CACNA1A: variants seen among roughly 807,000 people sequenced by gnomAD.
CACNA1A encodes calcium voltage-gated channel subunit alpha1 A.
A neutral mutation model predicts 262.4 loss-of-function variants in CACNA1A; 57 were observed. That is an observed-to-expected ratio of 0.22 (90% confidence interval 0.18 to 0.27). The LOEUF (loss-of-function observed/expected upper bound fraction) is 0.27, where lower values mean the gene tolerates loss of function less well. Ranked by LOEUF, CACNA1A falls within the 10% of genes least tolerant of loss-of-function variation. CACNA1A has a pLI of 1.00. For missense variants in CACNA1A, 2,526 were observed against 3,562.8 expected (o/e 0.71, Z 7.41); for synonymous variants, 1,431 against 1,419.3 (o/e 1.01, Z -0.18).
At position 13,402,901 on chromosome 19, in the gene CACNA1A, T is replaced by C. The variant is rs1296857963; in HGVS notation, c.540-31122A>G. The stretch of plus-strand genomic sequence containing the variant: ...ATATATATATATATATATATATATA[T>C]ATATATATATATATACTTGCAAGTG... On this transcript the variant is annotated intron_variant, in intron 3 of 46. Coordinates refer to ENST00000360228, the MANE Select transcript of CACNA1A (RefSeq NM_001127222.2). 1.4e-4 allele frequency among the ~76,000 whole-genome samples: 18 copies of C among 130,068 alleles called. 1 individual carries two copies. The highest frequency in any genetic ancestry group is 9.2e-4 in the East Asian group (4 of 4,368). The allele number at this position is 130,068 out of a possible 152,430, so 85.3% of individuals were successfully genotyped here. A position where few individuals can be genotyped will look rare whatever the true frequency, so the allele number is the denominator to read the frequency against.
chr19:13,385,088 T>C (rs992938511), intron 3 of CACNA1A, among the ~76,000 whole-genome samples: 6 of 152,164 alleles, frequency 3.9e-5, no homozygotes, highest in African/African-American at 1.4e-4. Flanking sequence ...AAAATTCGCT[T>C]GTACCAGTCA....
At chr19:13,210,577 G>C in intron 44 of CACNA1A, 40 bp downstream of exon 44, 1 of 1,542,342 alleles carries the variant, frequency 6.5e-7, no homozygotes, top group Non-Finnish European at 8.8e-7. Context: ...GGAAGAGGGG[G>C]CCGGAGCCCT....
intron 3 of CACNA1A, among the ~76,000 whole-genome samples, chr19:13,406,468 TATATATATATATATA>T (rs2060007468): frequency 1.4e-3 from 19 of 13,782 alleles, no homozygotes; most frequent in African/African-American, 3.4e-3. Context: ...AAAAAAATTA[TATATATATATATATA>T]TATATATATA....
intron 3 of CACNA1A, among the ~76,000 whole-genome samples, chr19:13,383,722 T>A (rs1244038085): frequency 6.6e-6 from 1 of 152,216 alleles, no homozygotes; most frequent in African/African-American, 2.4e-5. Context: ...AGGTTGAAAC[T>A]CAGATTCTGC....
At chr19:13,251,673 ATAATAC>A (rs1170954650) in intron 30 of CACNA1A, among the ~76,000 whole-genome samples, 5 of 152,368 alleles carry the variant, frequency 3.3e-5, no homozygotes, top group African/African-American at 1.2e-4. Context: ...TTAAGGGTTG[ATAATAC>A]TAATACTAAG....
rs2056075252 is a variant in CACNA1A, at chr19:13,241,338, C to T, written c.4950+3844G>A. Among the ~76,000 whole-genome samples the T allele has an allele frequency of 6.6e-6, 1 of 151,982 alleles. No homozygotes were observed. Among genetic ancestry groups the T allele is most frequent in the Non-Finnish European group, 1.5e-5 (1 of 68,012 alleles). ...GATAAAAACAGAGAGACAGAGTCTA[C>T]AGGAAGTGGGAGGCACAGGGGCTGG... On this transcript the variant is annotated intron_variant, in intron 31 of 46. Transcript: ENST00000360228. This position sits in a 1 kb window ranked among gnomAD's most constrained non-coding sequence, Gnocchi z 4.0.
intron 17 of CACNA1A, among the ~76,000 whole-genome samples, chr19:13,303,044 G>C (rs923838000): frequency 1.3e-5 from 2 of 152,140 alleles, no homozygotes; most frequent in African/African-American, 2.4e-5. Context: ...GTTTGGCTAA[G>C]GGGAGGCTCC....
chr19:13,212,340 AC>A lies in CACNA1A; in HGVS notation c.6189+43del, dbSNP rs780268314. ...GGCCCAGATCCCTTCCACCTGAACCACCCGGGCCCTGGGAGCCATTGGGGAG... is the reference window on the plus strand; with the variant it reads ...GGCCCAGATCCCTTCCACCTGAACCACCGGGCCCTGGGAGCCATTGGGGAG... On this transcript the variant is annotated intron_variant, in intron 42 of 46. Coordinates refer to ENST00000360228, the MANE Select transcript of CACNA1A (RefSeq NM_001127222.2). The surrounding 1 kb of genome is among the most constrained non-coding windows in gnomAD (Gnocchi z 5.6). The A allele has an allele frequency of 1.2e-6, 2 of 1,610,966 alleles. No individual in the cohort carries two copies. Among genetic ancestry groups the A allele is most frequent in the Admixed American group, 3.4e-5 (2 of 59,526 alleles).
chr19:13,231,923 C>A (rs1355861242), intron 34 of CACNA1A, 63 bp from the exon 35 acceptor site: 1 of 1,541,346 alleles, frequency 6.5e-7, no homozygotes, highest in Non-Finnish European at 8.8e-7. Flanking sequence ...AACGCCTCCC[C>A]AGGAGGTGGA....
intron 3 of CACNA1A, among the ~76,000 whole-genome samples, chr19:13,441,162 T>C (rs1048292220): frequency 3.3e-5 from 5 of 152,042 alleles, no homozygotes; most frequent in African/African-American, 1.2e-4. Context: ...AAATGGAAGA[T>C]TCAGGGAGGT....
At chr19:13,328,854 C>A (rs1444833556) in intron 10 of CACNA1A, among the ~76,000 whole-genome samples, 1 of 152,000 alleles carries the variant, frequency 6.6e-6, no homozygotes, top group Non-Finnish European at 1.5e-5. Flanking sequence ...GGATCAGAAA[C>A]TATGGATCAG....
intron 3 of CACNA1A, among the ~76,000 whole-genome samples, chr19:13,445,067 G>C (rs984163207): frequency 6.6e-6 from 1 of 151,540 alleles, no homozygotes; most frequent in Non-Finnish European, 1.5e-5. Flanking sequence ...TTGAACCTGG[G>C]AGGCGGAGGT....
intron 1 of CACNA1A, among the ~76,000 whole-genome samples, chr19:13,482,094 GAAGT>G (rs896470737): frequency 4.9e-4 from 74 of 152,210 alleles, no homozygotes; most frequent in Admixed American, 1.6e-3. Flanking sequence ...AACAAGGAAA[GAAGT>G]AAGGGAGAAA....
At chr19:13,275,579 A>T in intron 24 of CACNA1A, 1 of 497,034 alleles carries the variant, frequency 2.0e-6, no homozygotes, top group Non-Finnish European at 3.7e-6. Context: ...AGGAAGCTGC[A>T]CAGCAAGGGG....
In CACNA1A at chr19:13,207,483, AGCGCCCGGTG is replaced by A. The variant is rs1461908839; in HGVS notation, c.7341_7350del (p.Thr2448ArgfsTer157). 1 of 1,437,612 alleles carries A rather than the reference AGCGCCCGGTG, an allele frequency of 7.0e-7. No individual in the cohort carries two copies. Among genetic ancestry groups the A allele is most frequent in the Admixed American group, 2.9e-5 (1 of 35,056 alleles). The allele number at this position is 1,437,612 out of a possible 1,614,324, so 89.1% of individuals were successfully genotyped here. On this transcript the variant is annotated frameshift_variant, in exon 47 of 47. Coordinates refer to ENST00000360228, the MANE Select transcript of CACNA1A (RefSeq NM_001127222.2). LOFTEE classifies it high-confidence loss of function. The surrounding 1 kb of genome is among the most constrained non-coding windows in gnomAD (Gnocchi z 5.7). ...CCCGAGGCCCGGGGAGTCCTGGGCGAGCGCCCGGTGGCGCCCGAGGACGCGTGTCGTACGG... is the reference window on the plus strand; with the variant it reads ...CCCGAGGCCCGGGGAGTCCTGGGCGAGCGCCCGAGGACGCGTGTCGTACGG...
chr19:13,488,947 A>T (rs1016744996), intron 1 of CACNA1A, among the ~76,000 whole-genome samples: 10 of 151,704 alleles, frequency 6.6e-5, no homozygotes, highest in African/African-American at 2.4e-4. Flanking sequence ...GGGCACTTCA[A>T]ATGTGGCCAG....
chr19:13,389,605 G>A (rs1252436264), intron 3 of CACNA1A, among the ~76,000 whole-genome samples: 2 of 152,134 alleles, frequency 1.3e-5, no homozygotes, highest in Non-Finnish European at 1.5e-5. Flanking sequence ...AAGGTGTACA[G>A]AGATACTGCT....
At chr19:13,465,847 T>C (rs2061224788) in intron 1 of CACNA1A, among the ~76,000 whole-genome samples, 1 of 152,230 alleles carries the variant, frequency 6.6e-6, no homozygotes, top group South Asian at 2.1e-4. Flanking sequence ...CATTCCTTTT[T>C]AAGGCAGACT....
rs1247425556 is a variant in CACNA1A, at chr19:13,235,284, A to G, written c.5068-10T>C. On this transcript the variant is annotated splice_polypyrimidine_tract_variant and intron_variant, in intron 32 of 46. Transcript: ENST00000360228. ...AGACATAAGGCAGGGCCTGGTGGGA[A>G]AAAAGGCAATGAAGAAGAGTGCTGG... 1 of 1,581,452 alleles carries G rather than the reference A, an allele frequency of 6.3e-7. No homozygotes were observed. Among genetic ancestry groups the G allele is most frequent in the Non-Finnish European group, 8.6e-7 (1 of 1,164,006 alleles).
Sources: gnomAD v4.1 joint callset for allele counts (sites outside exome capture counted in the v4.1 genomes callset) on GRCh38, gnomAD v4.1.1 for gene constraint, Gnocchi (gnomAD v3.1) non-coding constraint, MANE v1.5 for transcripts, NCBI Gene and HGNC (gene_info 2026-07-23, HGNC 2026-07-21) for gene names.